The following KLHL2 variants were observed in gnomAD, a reference collection of about 807,000 sequenced individuals.
KLHL2 encodes the protein kelch-like protein 2.
Under a neutral mutation model 75.8 loss-of-function variants are expected in KLHL2, and 15 were observed. That is an observed-to-expected ratio of 0.20 (90% CI 0.13 to 0.30). KLHL2 has a LOEUF of 0.30. Among genes scored for constraint, KLHL2 ranks in the 10% least tolerant of loss-of-function variants. KLHL2 has a pLI of 1.00. For synonymous variants in KLHL2, 214 were observed against 251.9 expected, an observed-to-expected ratio of 0.85 and a Z score of 1.42; for missense variants, 381 against 741.0, an observed-to-expected ratio of 0.51 and a Z score of 5.64.
chr4:165,259,873 C>G (rs1252952423), intron 4 of KLHL2, among the ~76,000 whole-genome samples: 1 of 152,082 alleles, frequency 6.6e-6, no homozygotes, highest in African/African-American at 2.4e-5. Context: ...CCGTTTAACC[C>G]CTCGAGGGTG....
chr4:165,232,601 A>G (rs1286701171), intron 3 of KLHL2, among the ~76,000 whole-genome samples: 7 of 151,698 alleles, frequency 4.6e-5, no homozygotes, highest in South Asian at 4.2e-4. Flanking sequence ...GAGCATGGTC[A>G]CACGTGCCTG....
rs190924485 is a variant in KLHL2 at position 165,276,050 on chromosome 4, C to T, written c.544+12691C>T. Among the ~76,000 whole-genome samples the T allele has an allele frequency of 2.2e-4, 34 of 152,088 alleles. No homozygotes were observed. The East Asian group carries it at 6.0e-3, about 27-fold the overall frequency. On this transcript the variant is annotated intron_variant, in intron 5 of 14. Coordinates refer to ENST00000226725, the MANE Select transcript of KLHL2 (RefSeq NM_007246.4). ...GGCTGAGGCAGGCGAATAACATTAA[C>T]TCAGGAGGCAGAGGTTGCAATGAGC...
At chr4:165,225,674 G>C (rs754252173) in intron 2 of KLHL2, among the ~76,000 whole-genome samples, 1 of 152,140 alleles carries the variant, frequency 6.6e-6, no homozygotes, top group Non-Finnish European at 1.5e-5. Flanking sequence ...TTTGGAAAGA[G>C]GTAAGGGCCA....
intron 5 of KLHL2, chr4:165,279,700 C>T (rs939772787): frequency 1.8e-4 from 201 of 1,145,444 alleles, no homozygotes; most frequent in Non-Finnish European, 2.5e-4. Flanking sequence ...GTGACGGCGG[C>T]GGGAGGGGGA....
intron 5 of KLHL2, among the ~76,000 whole-genome samples, chr4:165,288,994 TATAAA>T (rs1744304127): frequency 6.6e-6 from 1 of 152,160 alleles, no homozygotes; most frequent in Admixed American, 6.5e-5. Flanking sequence ...ATCAAGAACA[TATAAA>T]ATAACAGGTG....
intron 3 of KLHL2, among the ~76,000 whole-genome samples, chr4:165,231,811 A>G (rs1404657588): frequency 1.3e-5 from 2 of 152,228 alleles, no homozygotes; most frequent in African/African-American, 4.8e-5. Context: ...TGGTAAATTT[A>G]TACTTAAAAA....
At chr4:165,210,486 C>T (rs572576255) in intron 1 of KLHL2, among the ~76,000 whole-genome samples, 1 of 152,238 alleles carries the variant, frequency 6.6e-6, no homozygotes, top group African/African-American at 2.4e-5. Context: ...TAAAAATTGT[C>T]GTTGGACTAT....
At chr4:165,260,065 G>A (rs949199782) in intron 4 of KLHL2, among the ~76,000 whole-genome samples, 5 of 152,132 alleles carry the variant, frequency 3.3e-5, no homozygotes, top group African/African-American at 1.2e-4. Flanking sequence ...AGTTGATGTG[G>A]CCCCAGCTGT....
intron 1 of KLHL2, chr4:165,209,915 G>C (rs1338225554): frequency 2.0e-6 from 2 of 984,866 alleles, no homozygotes; most frequent in Non-Finnish European, 2.9e-6. Flanking sequence ...CCACCCCTTG[G>C]CCTGTTTGCC....
At chr4:165,292,177 A>G (rs1168505418) in intron 5 of KLHL2, among the ~76,000 whole-genome samples, 3 of 152,190 alleles carry the variant, frequency 2.0e-5, no homozygotes, top group African/African-American at 4.8e-5. Flanking sequence ...TTTGTCATTT[A>G]CATCTTCAAT....
intron 14 of KLHL2, chr4:165,321,229 T>C (rs1244794764): frequency 8.8e-6 from 4 of 455,020 alleles, no homozygotes; most frequent in Non-Finnish European, 1.8e-5. Context: ...TCCCCTGCCT[T>C]CCCTTCCACC....
rs1162453931 is a variant in KLHL2, at chr4:165,257,074, G to A, written c.382-6123G>A. Reference sequence around the variant, plus strand: ...TTCTCAATTTTTTATAATTTAAACAGCACTATAATTAATAGTTCTTTAGCT... The same window carrying A: ...TTCTCAATTTTTTATAATTTAAACAACACTATAATTAATAGTTCTTTAGCT... On this transcript the variant is annotated intron_variant, in intron 4 of 14. Transcript: ENST00000226725. Among the ~76,000 whole-genome samples the A allele has an allele frequency of 4.6e-5, 7 of 152,200 alleles. No homozygotes were observed. In the East Asian group the frequency reaches 1.4e-3, roughly 29 times the overall value.
In KLHL2 at chr4:165,294,487, TCC is replaced by T. The variant is rs781639193; in HGVS notation, c.654+21_654+22del. 1 of 1,392,064 alleles carries T rather than the reference TCC, an allele frequency of 7.2e-7. No individual in the cohort carries two copies. The highest frequency in any genetic ancestry group is 1.0e-6 in the Non-Finnish European group (1 of 986,046). The allele number at this position is 1,392,064 out of a possible 1,614,324, so 86.2% of individuals were successfully genotyped here. A position where few individuals can be genotyped will look rare whatever the true frequency, so the allele number is the denominator to read the frequency against. The stretch of plus-strand genomic sequence containing the variant: ...AGAGAAGGTAAGGATATTTTTCTTT[TCC>T]CAGTGTGCAATGATGTTTCCCTTTT... On this transcript the variant is annotated intron_variant, in intron 6 of 14. Transcript: ENST00000226725.
chr4:165,217,741 A>G (rs1737648330), intron 1 of KLHL2, among the ~76,000 whole-genome samples: 1 of 152,166 alleles, frequency 6.6e-6, no homozygotes, highest in South Asian at 2.1e-4. Context: ...TTCGTGTACC[A>G]TCCATGTAAC....
Position 165,297,659 on chromosome 4 carries a change from A to G in KLHL2, c.705A>G (p.Gln235=). The part of the protein sequence containing the change: ...AWVNHDKDVR[Q]EFMARLMEHV... ...TGAACCATGACAAGGATGTGAGGCA[A>G]GAGTTTATGGCCCGACTGATGGAAC... Residue 235 remains glutamine (Q), a synonymous_variant, in exon 7 of 15, where the codon CAA becomes CAG. Transcript: ENST00000226725. 6.2e-7 allele frequency: 1 copy of G among 1,613,566 alleles called. No homozygotes were observed. The highest frequency in any genetic ancestry group is 1.1e-5 in the South Asian group (1 of 91,072).
chr4:165,279,636 A>T (rs1167680659), intron 5 of KLHL2: 1 of 1,611,072 alleles, frequency 6.2e-7, no homozygotes, highest in African/African-American at 1.3e-5. Context: ...GCCTTCTTTG[A>T]GGCTGCCATG....
At chr4:165,219,544 A>G (rs1737820282) in intron 1 of KLHL2, 1 of 306,218 alleles carries the variant, frequency 3.3e-6, no homozygotes, top group African/African-American at 2.2e-5. Flanking sequence ...AAGTTTGTGT[A>G]AAATATGATC....
In KLHL2 at chr4:165,247,356, T is replaced by G. The variant is rs182300326; in HGVS notation, c.381+8457T>G. ...AGTACCGAAAGTTCTTTTAATGCCC[T>G]TTGCTATGAAAGGGGAGAGAATGTG... On this transcript the variant is annotated intron_variant, in intron 4 of 14. Coordinates refer to ENST00000226725, the MANE Select transcript of KLHL2 (RefSeq NM_007246.4). 3.8e-3 allele frequency among the ~76,000 whole-genome samples: 580 copies of G among 152,268 alleles called. 1 individual carries two copies. Among genetic ancestry groups the G allele is most frequent in the Non-Finnish European group, 5.1e-3 (348 of 68,004 alleles).
At chr4:165,288,015 T>G (rs1049067845) in intron 5 of KLHL2, among the ~76,000 whole-genome samples, 2 of 152,192 alleles carry the variant, frequency 1.3e-5, no homozygotes, top group Non-Finnish European at 2.9e-5. Flanking sequence ...TTAACTTTGA[T>G]GTAGTCCCAT....
Sources: gnomAD v4.1 joint callset for allele counts (sites outside exome capture counted in the v4.1 genomes callset) on GRCh38, gnomAD v4.1.1 for gene constraint, MANE v1.5 for transcripts, NCBI Gene and HGNC (gene_info 2026-07-23, HGNC 2026-07-21) for gene names.